The following SEMA4A variants were observed in gnomAD, a reference collection of about 807,000 sequenced individuals.
SEMA4A encodes semaphorin-4A.
In SEMA4A, 52 loss-of-function variants were observed where a neutral mutation model predicts 72.5. The observed-to-expected ratio is 0.72, with a 90% CI of 0.57 to 0.90. SEMA4A has a LOEUF of 0.90. Ranked by LOEUF, SEMA4A falls within the 40% of genes least tolerant of loss-of-function variation. SEMA4A has a pLI of 0.00. For synonymous variants in SEMA4A, 369 were observed against 393.1 expected (o/e 0.94, Z 0.73); for missense variants, 926 against 959.7 (o/e 0.96, Z 0.46).
intron 10 of SEMA4A, among the ~76,000 whole-genome samples, chr1:156,166,924 A>G (rs1203139106): frequency 1.0e-5 from 1 of 97,648 alleles, no homozygotes; most frequent in Admixed American, 1.0e-4. Flanking sequence ...GCAAGACTTC[A>G]TCTCAAAAAA....
intron 6 of SEMA4A, among the ~76,000 whole-genome samples, chr1:156,160,023 C>T (rs1335070486): frequency 7.2e-5 from 11 of 151,810 alleles, no homozygotes; most frequent in East Asian, 1.9e-4. Flanking sequence ...AGATGGCCTT[C>T]GGCTTTTCAG....
chr1:156,168,285 G>A (rs370248126), intron 10 of SEMA4A, among the ~76,000 whole-genome samples: 3 of 151,582 alleles, frequency 2.0e-5, no homozygotes, highest in East Asian at 1.9e-4. Context: ...GCAGTGGCAC[G>A]ATCTCGGCTC....
At chr1:156,170,761 A>G (rs1028343182) in intron 10 of SEMA4A, among the ~76,000 whole-genome samples, 2 of 151,576 alleles carry the variant, frequency 1.3e-5, no homozygotes, top group African/African-American at 4.8e-5. Context: ...CTCAAAAAAA[A>G]AAAAAAAAAA....
chr1:156,154,202 G>A lies in SEMA4A; in HGVS notation c.-29-348G>A, dbSNP rs578199587. 3.9e-4 allele frequency among the ~76,000 whole-genome samples: 60 copies of A among 152,290 alleles called. 1 individual carries two copies. Among genetic ancestry groups the A allele is most frequent in the Admixed American group, 3.7e-3 (56 of 15,300 alleles). ...GAGCCAGGCAACGGTTTGGGCTTGG[G>A]CTATGAGAAGAGGGAAGGCAAAGGA... On this transcript the variant is annotated intron_variant, in intron 1 of 14. Transcript: ENST00000368285.
At chr1:156,155,916 C>T (rs1283261187) in intron 2 of SEMA4A, 3 of 222,060 alleles carry the variant, frequency 1.4e-5, no homozygotes, top group African/African-American at 2.3e-5. Context: ...AATGCTTCCT[C>T]TCTGTTCGTG....
chr1:156,176,326 A>G, intron 14 of SEMA4A, 79 bp from the exon 15 acceptor site: 1 of 1,137,464 alleles, frequency 8.8e-7, no homozygotes, highest in Non-Finnish European at 1.3e-6. Flanking sequence ...GCTGGGGTCC[A>G]AAGATAGGTT....
At chr1:156,172,407 C>T (rs1165465465) in intron 10 of SEMA4A, among the ~76,000 whole-genome samples, 7 of 152,218 alleles carry the variant, frequency 4.6e-5, no homozygotes, top group South Asian at 4.1e-4. Flanking sequence ...TGAGCCACTG[C>T]GCCCAGCCAT....
At position 156,176,846 on chromosome 1, in the gene SEMA4A, C is replaced by T. The variant is rs1655391926; in HGVS notation, c.2135C>T (p.Ala712Val). ...GCCTCCCCATTGAGAGCACTCCGGGCTCGGGGCAAGGTTCAGGGCTGTGAG... is the reference window on the plus strand; with the variant it reads ...GCCTCCCCATTGAGAGCACTCCGGGTTCGGGGCAAGGTTCAGGGCTGTGAG... ...LVASPLRALR[A>V]RGKVQGCETL... Residue 712 changes from alanine (A) to valine (V), a missense_variant, in exon 15 of 15, where the codon GCT (alanine) becomes GTT (valine). Physicochemically the swap from Ala to Val is moderately conservative, Grantham distance 64. Transcript: ENST00000368285. 1.1e-5 allele frequency: 18 copies of T among 1,614,254 alleles called. No homozygotes were observed. The East Asian group carries it at 3.1e-4, about 28-fold the overall frequency.
chr1:156,156,121 C>T (rs956735065), intron 2 of SEMA4A: 10 of 417,278 alleles, frequency 2.4e-5, no homozygotes, highest in Admixed American at 1.4e-4. Flanking sequence ...TCCTCCCCGA[C>T]GGTAGCCCTC....
chr1:156,176,392 C>A lies in SEMA4A; in HGVS notation c.1694-13C>A, dbSNP rs144540956. 80 of 1,598,352 alleles carry A rather than the reference C, an allele frequency of 5.0e-5. No homozygotes were observed. Among genetic ancestry groups the A allele is most frequent in the Non-Finnish European group, 6.6e-5 (77 of 1,166,000 alleles). On this transcript the variant is annotated splice_polypyrimidine_tract_variant and intron_variant, in intron 14 of 14. Transcript: ENST00000368285. Reference sequence around the variant, plus strand: ...TCTCCCTTAACCCTTTTGCTCCTTTCTTTCTCCTACAGTTAAAGAAGTCCT... The same window carrying A: ...TCTCCCTTAACCCTTTTGCTCCTTTATTTCTCCTACAGTTAAAGAAGTCCT...
upstream of SEMA4A, among the ~76,000 whole-genome samples, chr1:156,152,674 G>A (rs1483706991): frequency 3.3e-5 from 5 of 152,214 alleles, no homozygotes; most frequent in African/African-American, 4.8e-5. Context: ...TACCTCAGAT[G>A]AGGAATTATA....
At chr1:156,151,678 C>T (rs1184193431), upstream of SEMA4A, among the ~76,000 whole-genome samples, 1 of 150,832 alleles carries the variant, frequency 6.6e-6, no homozygotes, top group East Asian at 1.9e-4. Context: ...ACTAAAAATA[C>T]AAAAAAAATT....
intron 4 of SEMA4A, 78 bp from the exon 5 acceptor site, chr1:156,158,310 T>C (rs1313694891): frequency 1.5e-6 from 2 of 1,321,522 alleles, no homozygotes. Context: ...GCCTTTCTCC[T>C]CAGTGAGGGG....
chr1:156,165,257 T>G (rs1158161281), intron 10 of SEMA4A, among the ~76,000 whole-genome samples: 1 of 152,178 alleles, frequency 6.6e-6, no homozygotes, highest in Non-Finnish European at 1.5e-5. Context: ...GGAGCACAGA[T>G]GCCATCCTGG....
intron 5 of SEMA4A, 89 bp from the exon 6 acceptor site, chr1:156,158,630 T>C: frequency 1.5e-6 from 2 of 1,336,098 alleles, no homozygotes; most frequent in Non-Finnish European, 1.1e-6. Flanking sequence ...AATTTCCCTC[T>C]ATGTCCCTTT....
At chr1:156,150,463 T>C (rs1195467721), upstream of SEMA4A, among the ~76,000 whole-genome samples, 1 of 151,892 alleles carries the variant, frequency 6.6e-6, no homozygotes, top group South Asian at 2.1e-4. Flanking sequence ...CCAGGGCAGG[T>C]GGAGCTAAGG....
chr1:156,160,963 G>A lies in SEMA4A; in HGVS notation c.744G>A (p.Glu248=). Residue 248 remains glutamate, a synonymous_variant, in exon 8 of 15, where the codon GAG becomes GAA. Coordinates refer to ENST00000368285, the MANE Select transcript of SEMA4A (RefSeq NM_022367.4). ...CCCAGGTCGTCTACTTCTTCTTCGA[G>A]GAGACAGCCAGCGAGTTTGACTTCT... ...PSTQVVYFFF[E]ETASEFDFFE... is the part of the protein sequence containing the mutation. 6.2e-7 allele frequency: 1 copy of A among 1,613,086 alleles called. No homozygotes were observed.
At chr1:156,163,818 C>G (rs1353650750) in intron 10 of SEMA4A, among the ~76,000 whole-genome samples, 1 of 148,820 alleles carries the variant, frequency 6.7e-6, no homozygotes, top group Non-Finnish European at 1.5e-5. Context: ...AGGAGGTTCA[C>G]TTGAGGCCAG....
chr1:156,161,412 T>C lies in SEMA4A; in HGVS notation c.877T>C (p.Cys293Arg), dbSNP rs1382483362. Reference sequence around the variant, plus strand: ...CACCTTCCTGAAGGCCCAGCTGCTCTGCACCCAGCCGGGGCAGCTGCCCTT... The same window carrying C: ...CACCTTCCTGAAGGCCCAGCTGCTCCGCACCCAGCCGGGGCAGCTGCCCTT... ...WTTFLKAQLL[C>R]TQPGQLPFNV... Residue 293 changes from cysteine (C) to arginine (R), a missense_variant, in exon 9 of 15, where the codon TGC becomes CGC. Coordinates refer to ENST00000368285, the MANE Select transcript of SEMA4A (RefSeq NM_022367.4). 1.2e-6 allele frequency: 2 copies of C among 1,601,430 alleles called. No individual in the cohort carries two copies. The highest frequency in any genetic ancestry group is 1.7e-6 in the Non-Finnish European group (2 of 1,172,096).
Sources: allele counts gnomAD v4.1 joint callset (sites outside exome capture counted in the v4.1 genomes callset), GRCh38; gene constraint gnomAD v4.1.1; transcripts MANE v1.5; gene names NCBI Gene and HGNC (gene_info 2026-07-23, HGNC 2026-07-21).